Variants in DPP4 observed in about 807,000 individuals in gnomAD.
The protein encoded by DPP4 is dipeptidyl peptidase 4, also known as ADCP-2.
Under a neutral mutation model 122.4 loss-of-function variants are expected in DPP4, and 93 were observed. The observed-to-expected ratio is 0.76, with a 90% CI of 0.64 to 0.90. The LOEUF is 0.90. Ranked by LOEUF, DPP4 falls within the 40% of genes least tolerant of loss-of-function variation. DPP4 has a pLI of 0.00. For synonymous variants in DPP4, 321 were observed against 302.9 expected (o/e 1.06, Z -0.62); for missense variants, 914 against 907.3 (o/e 1.01, Z -0.09).
At chr2:162,016,905 G>A in intron 17 of DPP4, 39 bp from the exon 18 acceptor site, 1 of 1,567,968 alleles carries the variant, frequency 6.4e-7, no homozygotes, top group South Asian at 1.2e-5. Context: ...TCATTACAAT[G>A]TGAAAAATGT....
Position 162,008,567 on chromosome 2 carries a change from T to C in DPP4, c.1982A>G (p.Tyr661Cys). ...IAVAPVSRWE[Y>C]YDSVYTERYM... ...ACCTGGCAGCAATTACATACCATAG[T>C]ACTCCCACCGGGATACAGGCGCCAC... is the stretch of plus-strand genomic sequence containing the variant. The change falls in exon 22 of 26, where the codon TAC becomes TGC. Residue 661 changes from tyrosine (Y) to cysteine (C), a missense_variant. Physicochemically the swap from Tyr to Cys is radical, Grantham distance 194 (BLOSUM62 -2). Coordinates refer to ENST00000360534, the MANE Select transcript of DPP4 (RefSeq NM_001935.4). 6.2e-7 allele frequency: 1 copy of C among 1,613,258 alleles called. No individual in the cohort carries two copies. Among genetic ancestry groups the C allele is most frequent in the Non-Finnish European group, 8.5e-7 (1 of 1,179,468 alleles).
intron 2 of DPP4, among the ~76,000 whole-genome samples, chr2:162,065,183 A>G (rs1684909372): frequency 6.6e-6 from 1 of 152,214 alleles, no homozygotes; most frequent in Non-Finnish European, 1.5e-5. Context: ...TGGACAAGTG[A>G]CACAAATGTC....
At chr2:162,056,292 ATT>A (rs1559724565) in intron 2 of DPP4, among the ~76,000 whole-genome samples, 1 of 152,186 alleles carries the variant, frequency 6.6e-6, no homozygotes, top group Non-Finnish European at 1.5e-5. Flanking sequence ...TCTGTTTACT[ATT>A]ATATTACTAC....
chr2:161,998,401 C>G (rs1453204450), intron 23 of DPP4, among the ~76,000 whole-genome samples: 4 of 152,148 alleles, frequency 2.6e-5, no homozygotes, highest in African/African-American at 9.7e-5. Context: ...CCTTGTTGCT[C>G]TCCAAATTAA....
chr2:162,000,103 T>C (rs1280896529), intron 23 of DPP4, among the ~76,000 whole-genome samples: 1 of 152,074 alleles, frequency 6.6e-6, no homozygotes, highest in Non-Finnish European at 1.5e-5. Flanking sequence ...TTATAAGATC[T>C]TATAGAAAGA....
intron 19 of DPP4, 45 bp from the exon 20 acceptor site, chr2:162,012,032 C>A (rs746191534): frequency 6.3e-7 from 1 of 1,575,138 alleles, no homozygotes; most frequent in Non-Finnish European, 8.7e-7. Flanking sequence ...TTTCTGGAAT[C>A]AAATGAGGAA....
intron 5 of DPP4, among the ~76,000 whole-genome samples, chr2:162,041,270 G>A (rs568971665): frequency 1.8e-4 from 27 of 152,146 alleles, no homozygotes; most frequent in South Asian, 6.2e-4. Context: ...TTGTCTATAC[G>A]TCTGCCTTCT....
chr2:162,028,937 T>C (rs1683445294), intron 10 of DPP4, among the ~76,000 whole-genome samples: 1 of 152,252 alleles, frequency 6.6e-6, no homozygotes, highest in Admixed American at 6.5e-5. Flanking sequence ...CAGTTCATAC[T>C]CGCTCCCTCT....
Position 162,066,652 on chromosome 2 carries a change from G to A in DPP4, c.94+6747C>T, listed in dbSNP as rs147408625. The stretch of plus-strand genomic sequence containing the variant: ...TTTGTATTGCTATAAAGGAATATCT[G>A]AGGCTAGTAATTTATCTTTTTAAAA... On this transcript the variant is annotated intron_variant, in intron 2 of 25. Transcript: ENST00000360534. Among the ~76,000 whole-genome samples the A allele has an allele frequency of 2.6e-5, 4 of 152,308 alleles. No homozygotes were observed. The East Asian group carries it at 7.7e-4, about 29-fold the overall frequency.
chr2:161,996,779 T>G (rs886374421), intron 23 of DPP4, among the ~76,000 whole-genome samples: 1 of 152,208 alleles, frequency 6.6e-6, no homozygotes, highest in Non-Finnish European at 1.5e-5. Context: ...GGTGCCTAAT[T>G]TATAAACTTT....
At chr2:162,026,696 A>G (rs1359580809) in intron 10 of DPP4, among the ~76,000 whole-genome samples, 1 of 152,208 alleles carries the variant, frequency 6.6e-6, no homozygotes, top group African/African-American at 2.4e-5. Flanking sequence ...ATGCCGGGAA[A>G]CAGAGACATC....
intron 2 of DPP4, among the ~76,000 whole-genome samples, chr2:162,061,498 A>T (rs1214066956): frequency 6.6e-6 from 1 of 152,180 alleles, no homozygotes; most frequent in Non-Finnish European, 1.5e-5. Flanking sequence ...TTTTATATCT[A>T]TTTAAGTACT....
At chr2:162,024,542 G>C (rs1013844917) in intron 11 of DPP4, among the ~76,000 whole-genome samples, 2 of 152,154 alleles carry the variant, frequency 1.3e-5, no homozygotes, top group Non-Finnish European at 2.9e-5. Context: ...CTTGTGGTCA[G>C]TCACCCCCTC....
chr2:162,046,590 T>C, intron 4 of DPP4: 1 of 429,608 alleles, frequency 2.3e-6, no homozygotes, highest in Non-Finnish European at 4.6e-6. Context: ...TATACGAGAG[T>C]CAAGCCAGAG....
chr2:162,061,241 T>C (rs1347915565), intron 2 of DPP4, among the ~76,000 whole-genome samples: 1 of 152,154 alleles, frequency 6.6e-6, no homozygotes, highest in African/African-American at 2.4e-5. Context: ...TCACTTCTGC[T>C]CTGTGGTTAA....
At position 162,033,525 on chromosome 2, in the gene DPP4, A is replaced by G; in HGVS notation, c.887+16T>C. On this transcript the variant is annotated intron_variant, in intron 10 of 25. Coordinates refer to ENST00000360534, the MANE Select transcript of DPP4 (RefSeq NM_001935.4). Reference sequence around the variant, plus strand: ...AAAACTGTTTACAAGCCAAGCATTCAGGACAAGAGTCTTACCCTATCAACA... The same window carrying G: ...AAAACTGTTTACAAGCCAAGCATTCGGGACAAGAGTCTTACCCTATCAACA... 1.3e-6 allele frequency: 2 copies of G among 1,582,476 alleles called. No homozygotes were observed. The highest frequency in any genetic ancestry group is 1.1e-5 in the South Asian group (1 of 86,986).
chr2:162,027,170 G>A (rs1354290532), intron 10 of DPP4, among the ~76,000 whole-genome samples: 2 of 151,960 alleles, frequency 1.3e-5, no homozygotes, highest in Non-Finnish European at 2.9e-5. Flanking sequence ...GACCAACATG[G>A]CAAAACCCTG....
chr2:162,046,606 G>A (rs1170143462), intron 4 of DPP4: 1 of 466,032 alleles, frequency 2.1e-6, no homozygotes, highest in East Asian at 5.8e-5. Context: ...CAGAGAGGAG[G>A]GCAGTAATGC....
intron 10 of DPP4, among the ~76,000 whole-genome samples, chr2:162,029,881 A>G (rs939052334): frequency 1.3e-5 from 2 of 152,232 alleles, no homozygotes; most frequent in East Asian, 1.9e-4. Flanking sequence ...AAGTCTATCC[A>G]TAGTGCTGGC....
Sources: allele counts gnomAD v4.1 joint callset (sites outside exome capture counted in the v4.1 genomes callset), GRCh38; gene constraint gnomAD v4.1.1; transcripts MANE v1.5; gene names NCBI Gene and HGNC (gene_info 2026-07-23, HGNC 2026-07-21).